Variants in RBM6 observed in about 807,000 individuals in gnomAD.
RBM6 encodes RNA-binding protein 6.
In RBM6, 23 loss-of-function variants were observed where a neutral mutation model predicts 140.4. The ratio of observed to expected loss-of-function variants is 0.16; its 90% CI spans 0.12 to 0.23. RBM6 has a LOEUF of 0.23. Among genes scored for constraint, RBM6 ranks in the 10% least tolerant of loss-of-function variants. The pLI is 1.00. For synonymous variants in RBM6, 439 were observed against 475.6 expected (o/e 0.92, Z 1.00); for missense variants, 1,139 against 1,386.7 (o/e 0.82, Z 2.84).
At chr3:50,005,479 CAG>C (rs1171940985) in intron 6 of RBM6, among the ~76,000 whole-genome samples, 1 of 137,440 alleles carries the variant, frequency 7.3e-6, no homozygotes, top group Non-Finnish European at 1.5e-5. Context: ...ACCTGGGCGA[CAG>C]AGAGATCCTG....
intron 6 of RBM6, among the ~76,000 whole-genome samples, chr3:50,018,780 A>G (rs981622553): frequency 4.6e-5 from 7 of 151,584 alleles, no homozygotes; most frequent in African/African-American, 7.2e-5. Context: ...TAGTAGAGAC[A>G]GGGTTTCAAC....
At position 49,967,162 on chromosome 3, in the gene RBM6, T is replaced by A; in HGVS notation, c.45-308T>A. ...AATTTTTGTAGTATGTCACCATTGT[T>A]AGCTTATTTGGTATTGCGGATTTTC... is the stretch of plus-strand genomic sequence containing the variant. On this transcript the variant is annotated intron_variant, in intron 2 of 20. Transcript: ENST00000266022. The surrounding 1 kb of genome is among the most constrained non-coding windows in gnomAD (Gnocchi z 4.0). 9.5e-7 allele frequency: 1 copy of A among 1,047,818 alleles called. No individual in the cohort carries two copies. The highest frequency in any genetic ancestry group is 1.2e-6 in the Non-Finnish European group (1 of 854,996). The allele number at this position is 1,047,818 out of a possible 1,614,324, so 64.9% of individuals were successfully genotyped here.
At chr3:50,058,270 T>C in intron 9 of RBM6, 132 bp from the exon 10 acceptor site, 1 of 1,091,766 alleles carries the variant, frequency 9.2e-7, no homozygotes, top group Non-Finnish European at 1.3e-6. Context: ...TATTTATTTG[T>C]TTAGCATTTT....
At chr3:50,057,309 G>A (rs2089741875) in intron 8 of RBM6, among the ~76,000 whole-genome samples, 1 of 152,076 alleles carries the variant, frequency 6.6e-6, no homozygotes, top group Non-Finnish European at 1.5e-5. Flanking sequence ...ATTCCAGGCC[G>A]GGCGTGTTTG....
chr3:49,955,152 T>TC (rs1289343974), intron 1 of RBM6, among the ~76,000 whole-genome samples: 1 of 121,694 alleles, frequency 8.2e-6, no homozygotes, highest in African/African-American at 3.2e-5. Context: ...TAGTATTTTT[T>TC]TTTCTTTCTT....
chr3:50,039,482 A>ACCCCCCCC (rs10546220), intron 6 of RBM6, among the ~76,000 whole-genome samples: 10 of 122,146 alleles, frequency 8.2e-5, no homozygotes, highest in African/African-American at 1.3e-4. Flanking sequence ...CAGGTGATCC[A>ACCCCCCCC]CCCCCCCCCC....
chr3:50,075,486 T>G (rs2090433787), intron 20 of RBM6, among the ~76,000 whole-genome samples, 156 bp downstream of exon 20: 1 of 152,180 alleles, frequency 6.6e-6, no homozygotes, highest in African/African-American at 2.4e-5. Flanking sequence ...GAATACTGGG[T>G]TATAGCTTGG....
At chr3:50,073,863 T>C (rs1283677331) in intron 19 of RBM6, among the ~76,000 whole-genome samples, 2 of 152,162 alleles carry the variant, frequency 1.3e-5, no homozygotes, top group East Asian at 1.9e-4. Flanking sequence ...TTTTTTCCTT[T>C]TGTTTTGAGA....
rs1011988516 is a variant in RBM6, at chr3:50,061,287, C to G, written c.2353+66C>G. 9 of 1,609,196 alleles carry G rather than the reference C, an allele frequency of 5.6e-6. No individual in the cohort carries two copies. In the African/African-American group the frequency reaches 8.0e-5, roughly 14 times the overall value. On this transcript the variant is annotated intron_variant, in intron 13 of 20. Transcript: ENST00000266022. ...TGACTTGCTACTCATTACTTGACATCTGTGTGATCACAGTTGGCAAGATAC... is the reference window on the plus strand; with the variant it reads ...TGACTTGCTACTCATTACTTGACATGTGTGTGATCACAGTTGGCAAGATAC...
chr3:50,027,364 T>C (rs1170640579), intron 6 of RBM6, among the ~76,000 whole-genome samples: 1 of 152,198 alleles, frequency 6.6e-6, no homozygotes, highest in Non-Finnish European at 1.5e-5. Flanking sequence ...AACATAAAAC[T>C]TACCTCTTTC....
chr3:50,048,120 A>G, intron 6 of RBM6, 125 bp from the exon 7 acceptor site: 4 of 1,467,656 alleles, frequency 2.7e-6, no homozygotes, highest in Non-Finnish European at 3.6e-6. Context: ...TCCTTTCACC[A>G]GTGAATTAAG....
intron 5 of RBM6, among the ~76,000 whole-genome samples, chr3:49,975,720 G>A (rs1031451715): frequency 2.0e-5 from 3 of 152,162 alleles, no homozygotes; most frequent in Admixed American, 2.0e-4. Flanking sequence ...TTATGCTTGA[G>A]CCTAATAGGA....
intron 19 of RBM6, among the ~76,000 whole-genome samples, chr3:50,073,383 G>A (rs1480319056): frequency 6.6e-6 from 1 of 152,180 alleles, no homozygotes; most frequent in Non-Finnish European, 1.5e-5. Context: ...GAACAAGAGA[G>A]CTTAGGCAAA....
At chr3:49,972,964 G>A (rs1302059105) in intron 4 of RBM6, among the ~76,000 whole-genome samples, 2 of 151,960 alleles carry the variant, frequency 1.3e-5, no homozygotes, top group African/African-American at 4.8e-5. Context: ...CCGAGTAGCT[G>A]GGACTACAGG....
Position 50,048,232 on chromosome 3 carries a change from T to G in RBM6, c.1558-13T>G, listed in dbSNP as rs1488742964. 1 of 1,611,824 alleles carries G rather than the reference T, an allele frequency of 6.2e-7. No individual in the cohort carries two copies. The highest frequency in any genetic ancestry group is 2.2e-5 in the East Asian group (1 of 44,862). On this transcript the variant is annotated splice_polypyrimidine_tract_variant and intron_variant, in intron 6 of 20. Coordinates refer to ENST00000266022, the MANE Select transcript of RBM6 (RefSeq NM_005777.3). ...AGGGTTGATGTTGATGGCTTCTGTC[T>G]TTGTCTTTACAGGGAACTCTAATGA...
At chr3:49,981,787 A>G (rs2085315258) in intron 5 of RBM6, 1 of 152,140 alleles carries the variant, frequency 6.6e-6, no homozygotes, top group Non-Finnish European at 1.5e-5. Context: ...CTTCTCATTC[A>G]CACAGTGTTT....
Position 49,975,410 on chromosome 3 carries a change from C to G in RBM6, c.1483+18C>G. 6.3e-7 allele frequency: 1 copy of G among 1,592,504 alleles called. No individual in the cohort carries two copies. The highest frequency in any genetic ancestry group is 1.1e-5 in the South Asian group (1 of 90,560). ...TAACACAGGTGAGTTTCTTGACTTG[C>G]ATATGGCCTTGGGTTAGGAAGGGTC... On this transcript the variant is annotated intron_variant, in intron 5 of 20. Coordinates refer to ENST00000266022, the MANE Select transcript of RBM6 (RefSeq NM_005777.3).
chr3:49,970,749 C>T (rs1019532223), intron 3 of RBM6, among the ~76,000 whole-genome samples: 1 of 152,100 alleles, frequency 6.6e-6, no homozygotes, highest in Non-Finnish European at 1.5e-5. Context: ...AATTTCAGTG[C>T]TTTAGGAGGC....
intron 6 of RBM6, among the ~76,000 whole-genome samples, chr3:50,020,978 G>A (rs2087447426): frequency 6.6e-6 from 1 of 152,032 alleles, no homozygotes; most frequent in Admixed American, 6.6e-5. Context: ...TTATTTAGAA[G>A]TATGTTTTTA....
Sources: gnomAD v4.1 joint callset for allele counts (sites outside exome capture counted in the v4.1 genomes callset) on GRCh38, gnomAD v4.1.1 for gene constraint, Gnocchi (gnomAD v3.1) non-coding constraint, MANE v1.5 for transcripts, NCBI Gene and HGNC (gene_info 2026-07-23, HGNC 2026-07-21) for gene names.